GABRG3: variants seen among roughly 807,000 people sequenced by gnomAD.
GABRG3 encodes the protein gamma-aminobutyric acid type A receptor subunit gamma3, also known as gamma-aminobutyric acid receptor subunit gamma-3.
Under a neutral mutation model 48.8 loss-of-function variants are expected in GABRG3, and 25 were observed. That is an observed-to-expected ratio of 0.51 (90% CI 0.37 to 0.72). The LOEUF (loss-of-function observed/expected upper bound fraction) is 0.72, where lower values mean the gene tolerates loss of function less well. Ranked by LOEUF, GABRG3 falls within the 30% of genes least tolerant of loss-of-function variation. The pLI, the probability that GABRG3 is intolerant of heterozygous loss-of-function variation, is 0.00. For missense variants in GABRG3, 394 were observed against 577.9 expected (o/e 0.68, Z 3.26); for synonymous variants, 227 against 217.6 (o/e 1.04, Z -0.38).
intron 5 of GABRG3, among the ~76,000 whole-genome samples, chr15:27,474,727 A>G (rs556055521): frequency 8.7e-4 from 132 of 152,336 alleles, no homozygotes; most frequent in African/African-American, 3.0e-3. Context: ...ATTTTAAATG[A>G]TTGATAATCT....
chr15:27,173,322 A>C (rs1290200679), intron 3 of GABRG3, among the ~76,000 whole-genome samples: 2 of 152,170 alleles, frequency 1.3e-5, no homozygotes, highest in African/African-American at 4.8e-5. Flanking sequence ...GCAAAGAACT[A>C]TTGCATCCTA....
intron 3 of GABRG3, among the ~76,000 whole-genome samples, chr15:27,076,318 CT>C (rs1230817571): frequency 0.013 from 1,386 of 106,482 alleles, 14 homozygotes; most frequent in African/African-American, 0.046. Context: ...AGCCAACTGT[CT>C]TTTTTTTTTT....
At chr15:27,131,097 C>T (rs1861655109) in intron 3 of GABRG3, among the ~76,000 whole-genome samples, 1 of 152,020 alleles carries the variant, frequency 6.6e-6, no homozygotes, top group African/African-American at 2.4e-5. Context: ...GTAAAGTGGG[C>T]ATTCTTGTCC....
chr15:26,990,132 T>C (rs1215473256), intron 2 of GABRG3, among the ~76,000 whole-genome samples: 1 of 152,248 alleles, frequency 6.6e-6, no homozygotes, highest in Non-Finnish European at 1.5e-5. Context: ...TTATTTTGGG[T>C]ATATACCCAG....
chr15:27,251,440 G>C (rs532998783), intron 3 of GABRG3, among the ~76,000 whole-genome samples: 2 of 152,236 alleles, frequency 1.3e-5, no homozygotes, highest in East Asian at 3.9e-4. Flanking sequence ...GGACAGTGTA[G>C]AATACATGGA....
intron 2 of GABRG3, among the ~76,000 whole-genome samples, chr15:27,024,643 C>G (rs1236271450): frequency 6.6e-6 from 1 of 152,170 alleles, no homozygotes; most frequent in East Asian, 1.9e-4. Context: ...AATTATAAAC[C>G]TTCAGCTGCC....
intron 3 of GABRG3, among the ~76,000 whole-genome samples, chr15:27,081,713 C>T (rs1896995624): frequency 6.6e-6 from 1 of 152,172 alleles, no homozygotes; most frequent in African/African-American, 2.4e-5. Context: ...CACTATGATA[C>T]CAACAACATG....
chr15:27,513,549 A>T (rs1481895772), intron 6 of GABRG3, among the ~76,000 whole-genome samples: 1 of 152,240 alleles, frequency 6.6e-6, no homozygotes, highest in Non-Finnish European at 1.5e-5. Flanking sequence ...CAGGTTTAGT[A>T]ATACCGAGGA....
intron 5 of GABRG3, among the ~76,000 whole-genome samples, chr15:27,333,197 T>C (rs1050602145): frequency 1.3e-5 from 2 of 152,218 alleles, no homozygotes; most frequent in Non-Finnish European, 2.9e-5. Context: ...ACAGCATTGG[T>C]TGTTTTATTC....
chr15:27,313,256 GTGTGTGTATATATA>G (rs1290119923), intron 3 of GABRG3, among the ~76,000 whole-genome samples: 118 of 57,400 alleles, frequency 2.1e-3, no homozygotes, highest in African/African-American at 8.2e-3. Flanking sequence ...GTGTGTGTGT[GTGTGTGTATATATA>G]TATATATATA....
chr15:27,253,581 A>G (rs771932255), intron 3 of GABRG3, among the ~76,000 whole-genome samples: 5 of 152,248 alleles, frequency 3.3e-5, no homozygotes, highest in Non-Finnish European at 5.9e-5. Context: ...TTTAAAGGCA[A>G]GAGCCTCCCT....
intron 3 of GABRG3, among the ~76,000 whole-genome samples, chr15:27,303,408 G>T (rs1033543600): frequency 6.6e-5 from 10 of 151,620 alleles, no homozygotes; most frequent in African/African-American, 2.2e-4. Context: ...AGATGAAATA[G>T]ATCATAAGAA....
At position 27,541,258 on chromosome 15, in the gene GABRG3, C is replaced by T. The variant is rs759312092; in HGVS notation, c.*8377C>T. ...AAGTTGACCCGATAAGCCAAAAGTA[C>T]TTTTCAAGATTTAGATGGCAAACAG... On this transcript the variant is annotated 3_prime_UTR_variant, in exon 10 of 10. Coordinates refer to ENST00000615808, the MANE Select transcript of GABRG3 (RefSeq NM_033223.5). The T allele has an allele frequency of 1.3e-5, 2 of 152,222 alleles. No homozygotes were observed. Among genetic ancestry groups the T allele is most frequent in the African/African-American group, 2.4e-5 (1 of 41,434 alleles). 9.4% of individuals were successfully genotyped at this position (152,222 alleles called of 1,614,324 possible).
intron 3 of GABRG3, among the ~76,000 whole-genome samples, chr15:27,246,356 G>A (rs1258062790): frequency 6.6e-6 from 1 of 152,188 alleles, no homozygotes; most frequent in Non-Finnish European, 1.5e-5. Flanking sequence ...AAGGGAGAAT[G>A]TTGCTGAATC....
At position 27,127,958 on chromosome 15, in the gene GABRG3, T is replaced by C. The variant is rs141957558; in HGVS notation, c.270+101137T>C. Among the ~76,000 whole-genome samples, 521 of 152,270 alleles carry C rather than the reference T, an allele frequency of 3.4e-3. 2 individuals are homozygous for C. Among genetic ancestry groups the C allele is most frequent in the African/African-American group, 0.012 (504 of 41,548 alleles). ...TGGGTGCTGGTGATAAAGCGTCTCC[T>C]CAGTAGATAAGAGATTACAAAGTGA... On this transcript the variant is annotated intron_variant, in intron 3 of 9. Transcript: ENST00000615808.
At chr15:27,507,851 T>C (rs913814450) in intron 6 of GABRG3, among the ~76,000 whole-genome samples, 2 of 152,208 alleles carry the variant, frequency 1.3e-5, no homozygotes, top group South Asian at 4.1e-4. Context: ...TGTTGATAAG[T>C]ACATACACAT....
chr15:26,988,093 C>T (rs1025949234), intron 2 of GABRG3, among the ~76,000 whole-genome samples: 2 of 152,120 alleles, frequency 1.3e-5, no homozygotes, highest in African/African-American at 4.8e-5. Flanking sequence ...GTCTCTCATG[C>T]TGTGTACTTG....
At chr15:27,260,835 T>C (rs1890746528) in intron 3 of GABRG3, among the ~76,000 whole-genome samples, 1 of 152,158 alleles carries the variant, frequency 6.6e-6, no homozygotes, top group South Asian at 2.1e-4. Flanking sequence ...CTGGAGAACC[T>C]GTCCTAATGA....
intron 3 of GABRG3, among the ~76,000 whole-genome samples, chr15:27,061,289 A>T: frequency 6.6e-6 from 1 of 152,144 alleles, no homozygotes; most frequent in East Asian, 1.9e-4. Context: ...CATCACTCGA[A>T]CGAGGATGCC....
Sources: gnomAD v4.1 joint callset for allele counts (sites outside exome capture counted in the v4.1 genomes callset) on GRCh38, gnomAD v4.1.1 for gene constraint, MANE v1.5 for transcripts, NCBI Gene and HGNC (gene_info 2026-07-23, HGNC 2026-07-21) for gene names.